Variants in NTM observed in about 807,000 individuals in gnomAD.
NTM encodes IgLON family member 2.
NTM carries 13 observed loss-of-function variants against 42.1 expected under a neutral mutation model. The observed-to-expected ratio is 0.31, with a 90% CI of 0.20 to 0.49. The LOEUF (loss-of-function observed/expected upper bound fraction) is 0.49. NTM is among the 20% of genes least tolerant of loss of function. The probability of loss-of-function intolerance (pLI) is 0.99; values close to 1 mark genes in which losing one functional copy is unlikely to be tolerated. For missense variants in NTM, 373 were observed against 452.8 expected (o/e 0.82, Z 1.60); for synonymous variants, 187 against 179.2 (o/e 1.04, Z -0.35).
intron 1 of NTM, among the ~76,000 whole-genome samples, chr11:131,789,624 A>AGAT (rs2090437102): frequency 1.1e-5 from 1 of 87,798 alleles, no homozygotes; most frequent in Non-Finnish European, 2.3e-5. Flanking sequence ...AAGAAGAAGA[A>AGAT]GAAGAAGAAG....
At chr11:132,265,214 C>G (rs2093108299) in intron 4 of NTM, among the ~76,000 whole-genome samples, 1 of 152,050 alleles carries the variant, frequency 6.6e-6, no homozygotes, top group Non-Finnish European at 1.5e-5. Flanking sequence ...AATGGGATTA[C>G]CCATCTCAAG....
At chr11:132,191,184 C>T (rs565507141) in intron 3 of NTM, among the ~76,000 whole-genome samples, 2 of 152,270 alleles carry the variant, frequency 1.3e-5, no homozygotes, top group Admixed American at 6.5e-5. Flanking sequence ...CACCACCCAA[C>T]GAAGTGCTGT....
At chr11:132,209,139 G>T (rs565829177) in intron 3 of NTM, among the ~76,000 whole-genome samples, 1 of 152,308 alleles carries the variant, frequency 6.6e-6, no homozygotes, top group South Asian at 2.1e-4. Flanking sequence ...CAATTTAAAT[G>T]ATTCCAGAAC....
At chr11:132,069,374 AGTT>A (rs1266542800) in intron 2 of NTM, among the ~76,000 whole-genome samples, 62 of 104,760 alleles carry the variant, frequency 5.9e-4, no homozygotes, top group African/African-American at 2.4e-3. Context: ...ATCACAGGTT[AGTT>A]AACACGTCAC....
At chr11:131,965,618 G>A (rs531159173) in intron 2 of NTM, among the ~76,000 whole-genome samples, 7 of 152,272 alleles carry the variant, frequency 4.6e-5, no homozygotes, top group South Asian at 2.1e-4. Flanking sequence ...GAAGCTTAAC[G>A]AGGTTGAGTG....
chr11:132,189,106 G>A (rs898785230), intron 3 of NTM, among the ~76,000 whole-genome samples: 3 of 152,280 alleles, frequency 2.0e-5, no homozygotes, highest in South Asian at 2.1e-4. Flanking sequence ...TGTTGGGAAG[G>A]GGGGCAGGTG....
chr11:131,574,806 A>C (rs1279057327), intron 1 of NTM, among the ~76,000 whole-genome samples: 1 of 152,074 alleles, frequency 6.6e-6, no homozygotes, highest in Non-Finnish European at 1.5e-5. Context: ...AAGCAGCCTC[A>C]AAGTCCCTTG....
In NTM at chr11:131,924,482, CTCTTTTGAAT is replaced by C. The variant is rs2057681327; in HGVS notation, c.167+12836_167+12845del. ...CACAAACTCAGCTGCCTTTCCCAGCCTCTTTTGAATTTAGAGGTGACCATGTGACAGCTCT... is the reference window on the plus strand; with the variant it reads ...CACAAACTCAGCTGCCTTTCCCAGCCTTAGAGGTGACCATGTGACAGCTCT... On this transcript the variant is annotated intron_variant, in intron 2 of 8. Coordinates refer to ENST00000683400, the MANE Select transcript of NTM (RefSeq NM_001352005.2). 3.3e-5 allele frequency among the ~76,000 whole-genome samples: 5 copies of C among 152,254 alleles called. No individual in the cohort carries two copies. The East Asian group carries it at 9.7e-4, about 29-fold the overall frequency.
chr11:131,496,590 A>G (rs1955370533), intron 1 of NTM, among the ~76,000 whole-genome samples: 1 of 152,246 alleles, frequency 6.6e-6, no homozygotes, highest in Non-Finnish European at 1.5e-5. Flanking sequence ...TGGGAGCCAT[A>G]GGCTGAGTGA....
chr11:131,687,514 C>T (rs1006800477), intron 1 of NTM, among the ~76,000 whole-genome samples: 1 of 152,210 alleles, frequency 6.6e-6, no homozygotes. Flanking sequence ...CCTTCATGGG[C>T]GTCAGCGTGG....
chr11:131,940,557 G>A (rs1026726196), intron 2 of NTM, among the ~76,000 whole-genome samples: 2 of 152,210 alleles, frequency 1.3e-5, no homozygotes, highest in African/African-American at 4.8e-5. Flanking sequence ...TAGACATATA[G>A]ACATAGTCCA....
At chr11:132,070,720 C>T (rs965089635) in intron 2 of NTM, among the ~76,000 whole-genome samples, 4 of 145,616 alleles carry the variant, frequency 2.7e-5, no homozygotes, top group Non-Finnish European at 6.1e-5. Context: ...GTTAACACGT[C>T]ACACAGCCAA....
chr11:132,108,137 CT>C (rs1223978056), intron 2 of NTM, among the ~76,000 whole-genome samples: 3 of 152,226 alleles, frequency 2.0e-5, no homozygotes, highest in East Asian at 1.9e-4. Context: ...TCCTCCCCAT[CT>C]CGTAATATCC....
chr11:132,196,415 T>A lies in NTM; in HGVS notation c.401-15607T>A, dbSNP rs543817542. ...ATTTTTCAAAGGACTTAGAACTACC[T>A]TTCAATGCAGCACTCTTGTTACTGG... On this transcript the variant is annotated intron_variant, in intron 3 of 8. Transcript: ENST00000683400. Among the ~76,000 whole-genome samples the A allele has an allele frequency of 7.2e-5, 11 of 152,074 alleles. No individual in the cohort carries two copies. The East Asian group carries it at 1.9e-3, about 27-fold the overall frequency.
At chr11:132,323,728 G>A (rs1339122541) in intron 7 of NTM, among the ~76,000 whole-genome samples, 1 of 152,098 alleles carries the variant, frequency 6.6e-6, no homozygotes, top group Non-Finnish European at 1.5e-5. Flanking sequence ...AACCAAAAAA[G>A]AGAATTTTAG....
chr11:131,898,810 G>A (rs2052684266), intron 1 of NTM, among the ~76,000 whole-genome samples: 1 of 152,202 alleles, frequency 6.6e-6, no homozygotes, highest in African/African-American at 2.4e-5. Flanking sequence ...TTACACATCT[G>A]TGTCTTCAGG....
At chr11:131,910,307 C>T (rs1433807681) in intron 1 of NTM, among the ~76,000 whole-genome samples, 1 of 152,296 alleles carries the variant, frequency 6.6e-6, no homozygotes, top group South Asian at 2.1e-4. Context: ...TAGTTTGTGA[C>T]CCTTATTAAG....
intron 2 of NTM, among the ~76,000 whole-genome samples, chr11:132,118,092 T>C (rs1392861016): frequency 6.6e-6 from 1 of 152,266 alleles, no homozygotes; most frequent in Non-Finnish European, 1.5e-5. Context: ...ATATTGCATC[T>C]TCACAATAGT....
intron 2 of NTM, among the ~76,000 whole-genome samples, chr11:131,976,923 CAGAG>C (rs1258173119): frequency 1.3e-5 from 2 of 152,138 alleles, no homozygotes; most frequent in Non-Finnish European, 2.9e-5. Flanking sequence ...GAGGAATACA[CAGAG>C]AATGAAAAAT....
Sources: gnomAD v4.1 joint callset for allele counts (sites outside exome capture counted in the v4.1 genomes callset) on GRCh38, gnomAD v4.1.1 for gene constraint, MANE v1.5 for transcripts, NCBI Gene and HGNC (gene_info 2026-07-23, HGNC 2026-07-21) for gene names.